SLC19A1: variants seen among roughly 807,000 people sequenced by gnomAD.
SLC19A1 encodes the protein solute carrier family 19 member 1.
Under a neutral mutation model 35.3 loss-of-function variants are expected in SLC19A1, and 37 were observed. That is an observed-to-expected ratio of 1.05 (90% confidence interval 0.81 to 1.38). The LOEUF (loss-of-function observed/expected upper bound fraction) is 1.38. Ranked by LOEUF, SLC19A1 falls within the 40% of genes most tolerant of loss-of-function variation. The pLI, the probability that SLC19A1 is intolerant of heterozygous loss-of-function variation, is 0.00. For missense variants in SLC19A1, 831 were observed against 826.9 expected, an observed-to-expected ratio of 1.00 and a Z score of -0.06; for synonymous variants, 460 against 398.5, an observed-to-expected ratio of 1.15 and a Z score of -1.84.
chr21:45,547,452 C>T (rs181254623), upstream of SLC19A1, among the ~76,000 whole-genome samples: 53 of 152,316 alleles, frequency 3.5e-4, no homozygotes, highest in African/African-American at 1.2e-3. Context: ...CAACTTTCAA[C>T]GTCAACACAG....
At chr21:45,537,746 G>A (rs371548092) in intron 2 of SLC19A1, 25 bp downstream of exon 2, 297 of 293,850 alleles carry the variant, frequency 1.0e-3, no homozygotes, top group Middle Eastern at 7.6e-3. Flanking sequence ...ACAGGCGGCC[G>A]CCCGGCACCC....
At chr21:45,521,683 C>T (rs553121093) in intron 5 of SLC19A1, among the ~76,000 whole-genome samples, 1 of 152,264 alleles carries the variant, frequency 6.6e-6, no homozygotes, top group South Asian at 2.1e-4. Flanking sequence ...TTCAATGGAA[C>T]AGGATAAAAA....
rs754964352 is a variant in SLC19A1 at position 45,537,811 on chromosome 21, G to C, written c.149C>G (p.Pro50Arg). 4.4e-6 allele frequency: 7 copies of C among 1,591,602 alleles called. No homozygotes were observed. In the African/African-American group the frequency reaches 5.4e-5, roughly 12 times the overall value. Reference sequence around the variant, plus strand: ...GTTCTTGTCGGGCCCCAGGAGGTAGGGGGTGATGAAGCTCTCCCCTGGCCG... The same window carrying C: ...GTTCTTGTCGGGCCCCAGGAGGTAGCGGGTGATGAAGCTCTCCCCTGGCCG... ...QIRPGESFITPYLLGPDKNFT... is the reference protein window; with the variant it reads ...QIRPGESFITRYLLGPDKNFT... Residue 50 changes from proline to arginine, a missense_variant, in exon 2 of 6, where the codon CCC becomes CGC. By Grantham distance (103) the Pro-to-Arg change is moderately radical. Coordinates refer to ENST00000311124, the MANE Select transcript of SLC19A1 (RefSeq NM_194255.4).
At chr21:45,511,930 C>T (rs1052770580), downstream of SLC19A1, among the ~76,000 whole-genome samples, 2 of 152,218 alleles carry the variant, frequency 1.3e-5, no homozygotes, top group Non-Finnish European at 2.9e-5. Context: ...TTCACCCAGC[C>T]AGGCCAAGCC....
At chr21:45,546,796 G>A (rs2078420430), upstream of SLC19A1, among the ~76,000 whole-genome samples, 1 of 152,216 alleles carries the variant, frequency 6.6e-6, no homozygotes, top group South Asian at 2.1e-4. Flanking sequence ...CCCACAGGTG[G>A]AGTGATGTCC....
At chr21:45,504,394 T>C (rs1568940436) in intron 3 of SLC19A1, 3 of 1,608,548 alleles carry the variant, frequency 1.9e-6, no homozygotes, top group Non-Finnish European at 2.5e-6. Context: ...GGCTCCCGTG[T>C]AACAAGTGTT....
chr21:45,537,841 T>G lies in SLC19A1; in HGVS notation c.119A>C (p.Gln40Pro), dbSNP rs1403655126. 4.4e-6 allele frequency: 7 copies of G among 1,607,854 alleles called. No homozygotes were observed. Among genetic ancestry groups the G allele is most frequent in the Non-Finnish European group, 5.9e-6 (7 of 1,178,518 alleles). Residue 40 changes from glutamine (Q) to proline (P), a missense_variant, in exon 2 of 6, where the codon CAG becomes CCG. By Grantham distance (76) the Gln-to-Pro change is moderately conservative (BLOSUM62 -1). Transcript: ENST00000311124. ...CYLCFYGFMA[Q>P]IRPGESFITP... ...GATGAAGCTCTCCCCTGGCCGTATC[T>G]GCGCCATGAAGCCGTAGAAGCAAAG...
At chr21:45,509,239 T>A (rs1197644282), downstream of SLC19A1, 1 of 1,386,782 alleles carries the variant, frequency 7.2e-7, no homozygotes, top group Non-Finnish European at 9.7e-7. Context: ...GGGGCGCAGC[T>A]CCCTGCTTGC....
At chr21:45,510,356 GAGGCC>G (rs1568953072), downstream of SLC19A1, 3 of 1,365,310 alleles carry the variant, frequency 2.2e-6, no homozygotes, top group Non-Finnish European at 3.1e-6. Context: ...AGGGCCTCTG[GAGGCC>G]ACCATGTTAC....
Position 45,530,018 on chromosome 21 carries a change from TGTAA to T in SLC19A1, c.1151+748_1151+751del, listed in dbSNP as rs201631707. On this transcript the variant is annotated intron_variant, in intron 4 of 5. Coordinates refer to ENST00000311124, the MANE Select transcript of SLC19A1 (RefSeq NM_194255.4). The surrounding 1 kb of genome is among the most constrained non-coding windows in gnomAD (Gnocchi z 5.3). ...TCCGTGTGTGTGGTGTGTGTCCATG[TGTAA>T]GTATGTGATGCATTCATGTGAGTGT... 7.0e-3 allele frequency among the ~76,000 whole-genome samples: 1,049 copies of T among 149,416 alleles called. 14 individuals carry two copies. The highest frequency in any genetic ancestry group is 0.024 in the African/African-American group (990 of 40,514).
At chr21:45,542,927 G>A (rs1441656413), upstream of SLC19A1, among the ~76,000 whole-genome samples, 1 of 152,098 alleles carries the variant, frequency 6.6e-6, no homozygotes, top group East Asian at 1.9e-4. Flanking sequence ...CCTCAGGGGT[G>A]GCCCTGGGCC....
chr21:45,510,360 C>A, downstream of SLC19A1: 1 of 1,331,182 alleles, frequency 7.5e-7, no homozygotes, highest in Non-Finnish European at 1.1e-6. Context: ...CCTCTGGAGG[C>A]CACCATGTTA....
In SLC19A1 at chr21:45,525,636, C is replaced by T. The variant is rs115241414; in HGVS notation, c.1293+181G>A. Among the ~76,000 whole-genome samples the T allele has an allele frequency of 4.8e-3, 730 of 152,312 alleles. 3 individuals are homozygous for T. Among genetic ancestry groups the T allele is most frequent in the African/African-American group, 0.017 (693 of 41,566 alleles). ...GCTCCCGCCCACAACAACTGAGCCC[C>T]GCTAGGGTCTCTCTCACTTCCTGCT... On this transcript the variant is annotated intron_variant, in intron 5 of 5. Transcript: ENST00000311124.
Position 45,534,262 on chromosome 21 carries a change from C to T in SLC19A1, c.190-2114G>A, listed in dbSNP as rs879438825. Among the ~76,000 whole-genome samples, 3 of 152,186 alleles carry T rather than the reference C, an allele frequency of 2.0e-5. No individual in the cohort carries two copies. The highest frequency in any genetic ancestry group is 4.8e-5 in the African/African-American group (2 of 41,450). On this transcript the variant is annotated intron_variant, in intron 2 of 5. Coordinates refer to ENST00000311124, the MANE Select transcript of SLC19A1 (RefSeq NM_194255.4). This position sits in a 1 kb window ranked among gnomAD's most constrained non-coding sequence, Gnocchi z 4.2. The stretch of plus-strand genomic sequence containing the variant: ...AAGCTCTCCTGGCTGATGGCCTGCT[C>T]GACTGGGGGAGGCTCCTCCTCAGGG...
chr21:45,516,268 G>T, intron 5 of SLC19A1, 128 bp from the exon 6 acceptor site: 2 of 704,078 alleles, frequency 2.8e-6, no homozygotes, highest in East Asian at 2.8e-5. Flanking sequence ...ACTGCACAGC[G>T]GTCAGAGGCC....
Position 45,532,139 on chromosome 21 carries a change from C to A in SLC19A1, c.199G>T (p.Glu67Ter). Residue 67 changes from glutamate (E) to a stop codon, truncating the protein, a stop_gained, in exon 3 of 6, where the codon GAG (glutamate) becomes TAG (stop). Transcript: ENST00000311124. LOFTEE classifies it high-confidence loss of function. ...KNFTREQVTN[E>*]ITPVLSYSYL... is the part of the protein sequence containing the mutation. ...GAGTACGACAGCACCGGCGTGATCT[C>A]GTTCGTGACCTGCGGACAGGCGGGC... 2 of 1,596,426 alleles carry A rather than the reference C, an allele frequency of 1.3e-6. No individual in the cohort carries two copies. The highest frequency in any genetic ancestry group is 1.7e-6 in the Non-Finnish European group (2 of 1,168,768).
At chr21:45,511,105 T>C (rs1264699266), downstream of SLC19A1, 5 of 1,512,048 alleles carry the variant, frequency 3.3e-6, no homozygotes, top group Non-Finnish European at 4.5e-6. Context: ...ACGGTTTCTC[T>C]TCCAGGACGA....
downstream of SLC19A1, chr21:45,511,107 C>A: frequency 2.0e-6 from 3 of 1,527,014 alleles, no homozygotes; most frequent in Non-Finnish European, 2.7e-6. Flanking sequence ...GGTTTCTCTT[C>A]CAGGACGAGC....
upstream of SLC19A1, among the ~76,000 whole-genome samples, chr21:45,548,750 T>A (rs557627828): frequency 4.2e-4 from 63 of 150,116 alleles, no homozygotes; most frequent in East Asian, 4.1e-3. Context: ...TCTAAAAAAA[T>A]AAATAAATAA....
Sources: gnomAD v4.1 joint callset for allele counts (sites outside exome capture counted in the v4.1 genomes callset) on GRCh38, gnomAD v4.1.1 for gene constraint, Gnocchi (gnomAD v3.1) non-coding constraint, MANE v1.5 for transcripts, NCBI Gene and HGNC (gene_info 2026-07-23, HGNC 2026-07-21) for gene names.